The following TRAPPC9 variants were observed in gnomAD, a reference collection of about 807,000 sequenced individuals.
TRAPPC9 encodes trafficking protein particle complex subunit 9.
TRAPPC9 carries 83 observed loss-of-function variants against 124.0 expected under a neutral mutation model. The observed-to-expected ratio is 0.67, with a 90% CI of 0.56 to 0.80. The LOEUF (loss-of-function observed/expected upper bound fraction) is 0.80, where lower values mean the gene tolerates loss of function less well. TRAPPC9 is among the 30% of genes least tolerant of loss of function. TRAPPC9 has a pLI of 0.00. For missense variants in TRAPPC9, 1,302 were observed against 1,508.3 expected, an observed-to-expected ratio of 0.86 and a Z score of 2.27; for synonymous variants, 638 against 617.5, an observed-to-expected ratio of 1.03 and a Z score of -0.49.
chr8:140,236,809 C>T (rs1289566049), intron 16 of TRAPPC9, among the ~76,000 whole-genome samples: 1 of 152,156 alleles, frequency 6.6e-6, no homozygotes, highest in African/African-American at 2.4e-5. Flanking sequence ...CACTTCTCCC[C>T]CAAATTAATC....
intron 17 of TRAPPC9, among the ~76,000 whole-genome samples, chr8:140,041,952 C>G (rs1841301186): frequency 6.7e-6 from 1 of 150,292 alleles, no homozygotes; most frequent in Non-Finnish European, 1.5e-5. Context: ...GCCTGGGCAA[C>G]AGAGCAAGAT....
intron 20 of TRAPPC9, among the ~76,000 whole-genome samples, chr8:139,889,671 G>T (rs12679771): frequency 0.28 from 43,256 of 152,012 alleles, 7,044 homozygotes; most frequent in African/African-American, 0.45. Flanking sequence ...CAGGAAGGAG[G>T]CTATAATTAG....
chr8:139,870,001 T>C (rs970225494), intron 21 of TRAPPC9, among the ~76,000 whole-genome samples: 3 of 152,240 alleles, frequency 2.0e-5, no homozygotes, highest in Non-Finnish European at 2.9e-5. Context: ...CAGGTAGATA[T>C]TTAGAAAGGC....
intron 20 of TRAPPC9, among the ~76,000 whole-genome samples, chr8:139,909,088 T>C (rs1009257803): frequency 5.3e-5 from 8 of 152,150 alleles, no homozygotes; most frequent in African/African-American, 1.9e-4. Context: ...CTGGAAACTA[T>C]GCTGTGTAGA....
At chr8:140,298,411 A>G (rs2065872176) in intron 11 of TRAPPC9, among the ~76,000 whole-genome samples, 1 of 152,162 alleles carries the variant, frequency 6.6e-6, no homozygotes, top group Non-Finnish European at 1.5e-5. Flanking sequence ...CCAGCTCTCT[A>G]GGAGGCCGAG....
intron 19 of TRAPPC9, among the ~76,000 whole-genome samples, chr8:139,987,406 T>C (rs1401492762): frequency 6.6e-6 from 1 of 152,164 alleles, no homozygotes; most frequent in Non-Finnish European, 1.5e-5. Flanking sequence ...CTCACCAACA[T>C]TTGGTGCTGT....
At chr8:140,035,929 T>C (rs796299474) in intron 17 of TRAPPC9, among the ~76,000 whole-genome samples, 49 of 152,346 alleles carry the variant, frequency 3.2e-4, no homozygotes, top group African/African-American at 1.2e-3. Context: ...AAGTCACTTG[T>C]CCTTTCTTGG....
chr8:140,383,560 T>A (rs1372698675), intron 7 of TRAPPC9, among the ~76,000 whole-genome samples: 1 of 152,086 alleles, frequency 6.6e-6, no homozygotes, highest in Non-Finnish European at 1.5e-5. Flanking sequence ...AGAAAGGGTA[T>A]CAGTGATTGA....
At chr8:139,784,683 G>A (rs1165898045) in intron 21 of TRAPPC9, among the ~76,000 whole-genome samples, 3 of 132,618 alleles carry the variant, frequency 2.3e-5, no homozygotes, top group African/African-American at 8.4e-5. Context: ...ATAAGCAATT[G>A]GAAATCAAAA....
intron 7 of TRAPPC9, among the ~76,000 whole-genome samples, chr8:140,396,239 T>G (rs1000889632): frequency 6.6e-6 from 1 of 151,046 alleles, no homozygotes; most frequent in African/African-American, 2.4e-5. Flanking sequence ...CCTCCCAGGT[T>G]CACGCCATTC....
chr8:139,795,020 T>C (rs1238605614), intron 21 of TRAPPC9, among the ~76,000 whole-genome samples: 2 of 152,256 alleles, frequency 1.3e-5, no homozygotes, highest in African/African-American at 4.8e-5. Flanking sequence ...AAGCACTTAC[T>C]ACGTCCCAGT....
chr8:140,420,537 A>G (rs2070165255), intron 5 of TRAPPC9, among the ~76,000 whole-genome samples: 1 of 152,102 alleles, frequency 6.6e-6, no homozygotes, highest in African/African-American at 2.4e-5. Context: ...CTTTACCTTT[A>G]TTTTCTAAAT....
chr8:140,433,442 T>G (rs1408256410), intron 4 of TRAPPC9, among the ~76,000 whole-genome samples: 1 of 152,012 alleles, frequency 6.6e-6, no homozygotes, highest in Non-Finnish European at 1.5e-5. Context: ...TTACAAAAAT[T>G]AGCCAGGTGT....
chr8:139,732,069 G>C lies in TRAPPC9; in HGVS notation c.3189C>G (p.Val1063=), dbSNP rs956860574. ...RSVGPFALTV[V]PFQDHQNGVH... is the part of the protein sequence containing the mutation. ...CGCCGTTCTGGTGGTCCTGGAAGGG[G>C]ACCACAGTGAGGGCGAAGGGCCCTA... Residue 1063 remains valine (V), a synonymous_variant, in exon 22 of 23, where the codon GTC becomes GTG. Coordinates refer to ENST00000438773, the MANE Select transcript of TRAPPC9 (RefSeq NM_001160372.4). The C allele has an allele frequency of 1.2e-6, 2 of 1,605,642 alleles. No homozygotes were observed. Among genetic ancestry groups the C allele is most frequent in the African/African-American group, 1.3e-5 (1 of 74,944 alleles).
At chr8:139,890,201 G>A (rs1830248955) in intron 20 of TRAPPC9, among the ~76,000 whole-genome samples, 1 of 152,236 alleles carries the variant, frequency 6.6e-6, no homozygotes, top group Non-Finnish European at 1.5e-5. Flanking sequence ...CGGGGTGTTT[G>A]GGACCTCAGG....
chr8:139,973,315 T>C (rs1377940759), intron 19 of TRAPPC9, among the ~76,000 whole-genome samples: 1 of 152,104 alleles, frequency 6.6e-6, no homozygotes, highest in Non-Finnish European at 1.5e-5. Context: ...CCAGCGCCCC[T>C]GGACAGTCCA....
chr8:139,866,135 CAA>C (rs975892994), intron 21 of TRAPPC9, among the ~76,000 whole-genome samples: 23 of 152,166 alleles, frequency 1.5e-4, no homozygotes, highest in African/African-American at 5.1e-4. Context: ...TTGTGGAGAC[CAA>C]AGTCTTATCA....
chr8:139,774,258 G>A (rs1229406539), intron 21 of TRAPPC9, among the ~76,000 whole-genome samples: 1 of 152,238 alleles, frequency 6.6e-6, no homozygotes, highest in Non-Finnish European at 1.5e-5. Flanking sequence ...TGTGAGAAGA[G>A]ACTGTGGGTG....
intron 17 of TRAPPC9, among the ~76,000 whole-genome samples, chr8:140,155,810 GT>G (rs2061618689): frequency 6.6e-6 from 1 of 152,116 alleles, no homozygotes; most frequent in Non-Finnish European, 1.5e-5. Flanking sequence ...TGGGAAAGGG[GT>G]TATGTTCTAA....
Sources: gnomAD v4.1 joint callset for allele counts (sites outside exome capture counted in the v4.1 genomes callset) on GRCh38, gnomAD v4.1.1 for gene constraint, MANE v1.5 for transcripts, NCBI Gene and HGNC (gene_info 2026-07-23, HGNC 2026-07-21) for gene names.